The following PIEZO2 variants were observed in gnomAD, a reference collection of about 807,000 sequenced individuals.
The protein encoded by PIEZO2 is piezo type mechanosensitive ion channel component 2.
In PIEZO2, 172 loss-of-function variants were observed where a neutral mutation model predicts 337.3. The observed-to-expected ratio is 0.51, with a 90% CI of 0.45 to 0.58. PIEZO2 has a LOEUF of 0.58. Ranked by LOEUF, PIEZO2 falls within the 20% of genes least tolerant of loss-of-function variation. PIEZO2 has a pLI of 0.00. For missense variants in PIEZO2, 3,028 were observed against 3,391.3 expected (o/e 0.89, Z 2.66); for synonymous variants, 1,251 against 1,228.5 (o/e 1.02, Z -0.38).
chr18:10,898,613 T>A (rs1358383652), intron 4 of PIEZO2, among the ~76,000 whole-genome samples: 2 of 152,146 alleles, frequency 1.3e-5, no homozygotes, highest in Admixed American at 1.3e-4. Context: ...GGATTATAGC[T>A]GTGTTTTAGT....
At chr18:10,999,147 A>G (rs145707449) in intron 2 of PIEZO2, among the ~76,000 whole-genome samples, 1 of 151,824 alleles carries the variant, frequency 6.6e-6, no homozygotes, top group East Asian at 1.9e-4. Flanking sequence ...AAATTTTTAA[A>G]GGAGAACTCT....
At chr18:10,774,421 T>C (rs547024922) in intron 18 of PIEZO2, among the ~76,000 whole-genome samples, 102 of 151,494 alleles carry the variant, frequency 6.7e-4, no homozygotes, top group African/African-American at 2.4e-3. Flanking sequence ...TCAACCTTTG[T>C]GTAGACGAAT....
At chr18:10,822,022 G>A (rs1203418909) in intron 7 of PIEZO2, among the ~76,000 whole-genome samples, 4 of 152,162 alleles carry the variant, frequency 2.6e-5, no homozygotes, top group African/African-American at 9.7e-5. Flanking sequence ...CTCAAGTTAT[G>A]AGACCCTTTA....
chr18:10,814,604 G>A (rs1228731246), intron 7 of PIEZO2, among the ~76,000 whole-genome samples: 2 of 152,164 alleles, frequency 1.3e-5, no homozygotes, highest in Non-Finnish European at 2.9e-5. Context: ...GAGGATTGTT[G>A]AAGCTCGGCT....
chr18:10,682,172 TGATCAAA>T lies in PIEZO2; in HGVS notation c.7611_7617del (p.Leu2538AsnfsTer28). The stretch of plus-strand genomic sequence containing the variant: ...TGGTTGATGACCCCAGCCACAGATT[TGATCAAA>T]GACATGAAGAGAAGAGGAAACCAGA... On this transcript the variant is annotated frameshift_variant, in exon 50 of 56. Coordinates refer to ENST00000674853, the MANE Select transcript of PIEZO2 (RefSeq NM_001378183.1). LOFTEE classifies it high-confidence loss of function. This position sits in a 1 kb window ranked among gnomAD's most constrained non-coding sequence, Gnocchi z 5.6. 2.0e-6 allele frequency: 3 copies of T among 1,537,214 alleles called. No homozygotes were observed. The highest frequency in any genetic ancestry group is 2.6e-6 in the Non-Finnish European group (3 of 1,146,910).
rs891882057 is a variant in PIEZO2 at position 11,112,971 on chromosome 18, G to T, written c.64+35554C>A. Among the ~76,000 whole-genome samples the T allele has an allele frequency of 6.6e-6, 1 of 152,162 alleles. No homozygotes were observed. Among genetic ancestry groups the T allele is most frequent in the Non-Finnish European group, 1.5e-5 (1 of 68,040 alleles). ...TCTAGATTCAGACCTACAGGATAAA[G>T]GTCCTGGTGTGTTTATTATTTTGGT... On this transcript the variant is annotated intron_variant, in intron 1 of 55. Coordinates refer to ENST00000674853, the MANE Select transcript of PIEZO2 (RefSeq NM_001378183.1). The surrounding 1 kb of genome is among the most constrained non-coding windows in gnomAD (Gnocchi z 4.3).
rs528925490 is a variant in PIEZO2 at position 10,769,434 on chromosome 18, T to C, written c.2946+714A>G. Among the ~76,000 whole-genome samples, 4 of 152,322 alleles carry C rather than the reference T, an allele frequency of 2.6e-5. No individual in the cohort carries two copies. In the South Asian group the frequency reaches 6.2e-4, roughly 24 times the overall value. ...TTTGTGAAAAGTTTTAGGTTTGTAGTGTTGTAGTTGTGATATTTTACTGTT... is the reference window on the plus strand; with the variant it reads ...TTTGTGAAAAGTTTTAGGTTTGTAGCGTTGTAGTTGTGATATTTTACTGTT... On this transcript the variant is annotated intron_variant, in intron 21 of 55. Transcript: ENST00000674853.
At chr18:11,119,365 C>T (rs1003944285) in intron 1 of PIEZO2, among the ~76,000 whole-genome samples, 1 of 152,182 alleles carries the variant, frequency 6.6e-6, no homozygotes, top group Non-Finnish European at 1.5e-5. Flanking sequence ...GTCTTGATCT[C>T]TTGACCTCGT....
intron 2 of PIEZO2, among the ~76,000 whole-genome samples, chr18:11,005,120 C>T (rs1215533694): frequency 6.6e-6 from 1 of 152,196 alleles, no homozygotes; most frequent in Non-Finnish European, 1.5e-5. Context: ...AGCCAGTGTG[C>T]CAAATTCTGT....
chr18:10,892,671 GGA>G (rs2042790046), intron 4 of PIEZO2, among the ~76,000 whole-genome samples: 1 of 152,098 alleles, frequency 6.6e-6, no homozygotes, highest in Non-Finnish European at 1.5e-5. Flanking sequence ...AGAAAGATGG[GGA>G]GAGGGGCGGG....
intron 7 of PIEZO2, among the ~76,000 whole-genome samples, chr18:10,840,078 C>G (rs2041144358): frequency 6.6e-6 from 1 of 152,060 alleles, no homozygotes; most frequent in African/African-American, 2.4e-5. Context: ...GTAGCATGAC[C>G]TGACAAAAAG....
chr18:11,018,723 C>T (rs1306885061), intron 2 of PIEZO2, among the ~76,000 whole-genome samples: 1 of 152,072 alleles, frequency 6.6e-6, no homozygotes, highest in African/African-American at 2.4e-5. Context: ...AGACAAGGAA[C>T]AGAAATGATG....
In PIEZO2 at chr18:11,038,321, A is replaced by C. The variant is rs1323907928; in HGVS notation, c.160+27806T>G. 1.3e-5 allele frequency among the ~76,000 whole-genome samples: 2 copies of C among 152,142 alleles called. No homozygotes were observed. The highest frequency in any genetic ancestry group is 2.9e-5 in the Non-Finnish European group (2 of 68,044). On this transcript the variant is annotated intron_variant, in intron 2 of 55. Coordinates refer to ENST00000674853, the MANE Select transcript of PIEZO2 (RefSeq NM_001378183.1). The surrounding 1 kb of genome is among the most constrained non-coding windows in gnomAD (Gnocchi z 4.1). ...CACAAATCTTTAAACTGCTTAGCTG[A>C]GCAATATTATTTCTAAGTTGTATTT...
chr18:10,762,990 T>A lies in PIEZO2; in HGVS notation c.3055A>T (p.Ile1019Phe). The change falls in exon 22 of 56, where the codon ATC (isoleucine) becomes TTC (phenylalanine). Residue 1019 changes from isoleucine to phenylalanine, a missense_variant. Around this residue, in one of 5 missense-constraint regions of PIEZO2, gnomAD observed 1,925 missense variants for 2,051.9 expected, o/e 0.94. Transcript: ENST00000674853. ...SVCTVWTCVI[I>F]VCKMLYQLQT... ...AGCTGGTACAACATTTTGCAGACGA[T>A]GATCACACACGTCCAGACTGTGCAG... The A allele has an allele frequency of 6.5e-7, 1 of 1,537,302 alleles. No individual in the cohort carries two copies. The highest frequency in any genetic ancestry group is 8.7e-7 in the Non-Finnish European group (1 of 1,146,918).
chr18:10,765,297 G>A (rs2143913288), intron 21 of PIEZO2, among the ~76,000 whole-genome samples: 1 of 152,322 alleles, frequency 6.6e-6, no homozygotes, highest in South Asian at 2.1e-4. Context: ...AGAAGCAAGT[G>A]ATTCATTGTG....
chr18:11,109,502 G>A lies in PIEZO2; in HGVS notation c.64+39023C>T, dbSNP rs1272141943. ...AGGCCGAGGTGGGTGGATCACTTGA[G>A]GTCAGGGGTTTGAGACGACCCTGGC... On this transcript the variant is annotated intron_variant, in intron 1 of 55. Coordinates refer to ENST00000674853, the MANE Select transcript of PIEZO2 (RefSeq NM_001378183.1). The surrounding 1 kb of genome is among the most constrained non-coding windows in gnomAD (Gnocchi z 5.1). Among the ~76,000 whole-genome samples, 4 of 152,146 alleles carry A rather than the reference G, an allele frequency of 2.6e-5. No homozygotes were observed. Among genetic ancestry groups the A allele is most frequent in the Non-Finnish European group, 5.9e-5 (4 of 68,038 alleles).
intron 48 of PIEZO2, among the ~76,000 whole-genome samples, chr18:10,690,872 T>G (rs9958011): frequency 0.63 from 95,495 of 151,994 alleles, 30,451 homozygotes; most frequent in African/African-American, 0.75. Flanking sequence ...AATTCCCAAG[T>G]TATTTGGAAT....
At chr18:11,022,216 C>G (rs565396443) in intron 2 of PIEZO2, among the ~76,000 whole-genome samples, 2 of 152,188 alleles carry the variant, frequency 1.3e-5, no homozygotes, top group Non-Finnish European at 2.9e-5. Context: ...TCACAGCCCC[C>G]CTAACTGTGC....
chr18:11,039,247 C>G (rs987146231), intron 2 of PIEZO2, among the ~76,000 whole-genome samples: 2 of 152,180 alleles, frequency 1.3e-5, no homozygotes, highest in African/African-American at 4.8e-5. Context: ...ACACTCTTTG[C>G]AGAAGATAAC....
Sources: allele counts gnomAD v4.1 joint callset (sites outside exome capture counted in the v4.1 genomes callset), GRCh38; gene constraint gnomAD v4.1.1; regional missense constraint gnomAD v4.1.1; non-coding constraint Gnocchi (gnomAD v3.1); transcripts MANE v1.5; gene names NCBI Gene and HGNC (gene_info 2026-07-23, HGNC 2026-07-21).